HPD: variants seen among roughly 807,000 people sequenced by gnomAD.
HPD encodes the protein 4-hydroxyphenylpyruvate dioxygenase.
HPD carries 35 observed loss-of-function variants against 56.9 expected under a neutral mutation model. The ratio of observed to expected loss-of-function variants is 0.62; its 90% confidence interval spans 0.47 to 0.82. HPD has a LOEUF of 0.82. HPD is among the 40% of genes least tolerant of loss of function. The pLI is 0.00. For missense variants in HPD, 442 were observed against 506.8 expected, an observed-to-expected ratio of 0.87 and a Z score of 1.23; for synonymous variants, 186 against 200.2, an observed-to-expected ratio of 0.93 and a Z score of 0.60.
chr12:121,881,496 T>C, the HPD span, among the ~76,000 whole-genome samples: 1 of 152,164 alleles, frequency 6.6e-6, no homozygotes, highest in East Asian at 1.9e-4. Flanking sequence ...AAGGCCACAC[T>C]CCTGTTGGGT....
chr12:121,857,719 G>C (rs778414732), intron 3 of HPD, 38 bp downstream of exon 3: 41 of 1,572,588 alleles, frequency 2.6e-5, no homozygotes, highest in Non-Finnish European at 3.6e-5. Context: ...CCTCTGCCCT[G>C]CCGTCTGCTC....
the HPD span, chr12:121,874,418 G>A: frequency 0.46 from 69,762 of 151,722 alleles, 16,484 homozygotes; most frequent in African/African-American, 0.55. Context: ...GGAGTTCGAG[G>A]CCAGCCTGGC....
chr12:121,853,445 G>C (rs544631504), intron 7 of HPD, among the ~76,000 whole-genome samples: 2 of 150,148 alleles, frequency 1.3e-5, no homozygotes, highest in Non-Finnish European at 3.0e-5. Flanking sequence ...TGGATAACAC[G>C]GTGAAACCTC....
the HPD span, among the ~76,000 whole-genome samples, chr12:121,885,207 A>AT: frequency 1.8e-3 from 237 of 129,630 alleles, no homozygotes; most frequent in African/African-American, 3.7e-3. Flanking sequence ...ATATATCTGT[A>AT]TTTTTTTTTT....
intron 7 of HPD, among the ~76,000 whole-genome samples, chr12:121,853,102 A>G (rs1877865493): frequency 6.6e-6 from 1 of 152,124 alleles, no homozygotes; most frequent in Admixed American, 6.6e-5. Context: ...GCATGTTCTC[A>G]CTTAGAAGTG....
upstream of HPD, among the ~76,000 whole-genome samples, chr12:121,863,306 T>G (rs921085952): frequency 6.6e-6 from 1 of 152,146 alleles, no homozygotes; most frequent in Non-Finnish European, 1.5e-5. Context: ...CTGGTGCTGA[T>G]TCCTTCCTAA....
chr12:121,883,962 T>C, the HPD span, among the ~76,000 whole-genome samples: 1 of 152,096 alleles, frequency 6.6e-6, no homozygotes, highest in Non-Finnish European at 1.5e-5. Flanking sequence ...TGAGCATTTA[T>C]CTCCTTACCA....
chr12:121,857,300 G>A (rs1299905463), intron 4 of HPD, 28 bp downstream of exon 4: 2 of 1,431,552 alleles, frequency 1.4e-6, no homozygotes, highest in South Asian at 2.3e-5. Context: ...GGCAGGGGTT[G>A]GGGGCTGTCC....
chr12:121,869,644 C>A, the HPD span, among the ~76,000 whole-genome samples: 1 of 151,200 alleles, frequency 6.6e-6, no homozygotes, highest in African/African-American at 2.4e-5. Flanking sequence ...CTTGCCTCAG[C>A]CTCCTGAGTA....
chr12:121,873,179 ACT>A, the HPD span, among the ~76,000 whole-genome samples: 6 of 152,052 alleles, frequency 3.9e-5, no homozygotes. Flanking sequence ...TTATTTTAAA[ACT>A]CTCTGCAGAC....
At chr12:121,856,716 C>G in intron 4 of HPD, 91 bp from the exon 5 acceptor site, 3 of 1,194,210 alleles carry the variant, frequency 2.5e-6, no homozygotes, top group Non-Finnish European at 1.2e-6. Context: ...CCCGAAACAC[C>G]CCTGATGGAG....
At chr12:121,846,742 G>T in intron 11 of HPD, 120 bp downstream of exon 11, 1 of 895,826 alleles carries the variant, frequency 1.1e-6, no homozygotes, top group Non-Finnish European at 1.8e-6. Flanking sequence ...AGGGAGTCCT[G>T]TCAGTCTCCC....
the HPD span, among the ~76,000 whole-genome samples, chr12:121,874,521 G>A: frequency 6.6e-6 from 1 of 151,856 alleles, no homozygotes; most frequent in Admixed American, 6.6e-5. Context: ...GGGAGGCTGA[G>A]GCAGGAGAAT....
upstream of HPD, chr12:121,863,516 GT>G (rs1878240432): frequency 6.6e-6 from 1 of 152,172 alleles, no homozygotes; most frequent in South Asian, 2.1e-4. Flanking sequence ...CCGCATCTTT[GT>G]CCTGACGTAC....
Position 121,849,778 on chromosome 12 carries a change from T to G in HPD, c.427A>C (p.Thr143Pro). 1 of 1,613,078 alleles carries G rather than the reference T, an allele frequency of 6.2e-7. No individual in the cohort carries two copies. The highest frequency in any genetic ancestry group is 8.5e-7 in the Non-Finnish European group (1 of 1,179,280). ...TTCATCTTCTCCACCAGGGTGTGTG[T>G]GGTGTCCCCATACTACGGGTGGAAA... ...FAVLQTYGDT[T>P]HTLVEKMNYI... is the part of the protein sequence containing the mutation. The change falls in exon 8 of 14, where the codon ACA becomes CCA. Residue 143 changes from threonine to proline, a missense_variant. Physicochemically the swap from Thr to Pro is conservative, Grantham distance 38. Transcript: ENST00000289004.
intron 11 of HPD, among the ~76,000 whole-genome samples, chr12:121,846,224 AT>A (rs1877577966): frequency 6.6e-6 from 1 of 151,784 alleles, no homozygotes. Context: ...AATTACTATT[AT>A]TTTTTTCTAA....
At chr12:121,875,217 G>A in the HPD span, among the ~76,000 whole-genome samples, 1 of 152,172 alleles carries the variant, frequency 6.6e-6, no homozygotes, top group Admixed American at 6.6e-5. Flanking sequence ...GTGTGGCTAT[G>A]TGCCAATAAA....
chr12:121,851,712 T>A (rs1299816393), intron 7 of HPD, among the ~76,000 whole-genome samples: 1,085 of 11,938 alleles, frequency 0.091, 123 homozygotes, highest in Non-Finnish European at 0.13. Context: ...TTTTTTTTTT[T>A]TTTTTTTTTT....
upstream of HPD, among the ~76,000 whole-genome samples, chr12:121,864,575 C>T (rs1245403033): frequency 1.1e-4 from 16 of 145,512 alleles, no homozygotes; most frequent in Admixed American, 8.4e-4. Context: ...AAAAAATGGC[C>T]GGGCGCAGTG....
Sources: gnomAD v4.1 joint callset for allele counts (sites outside exome capture counted in the v4.1 genomes callset) on GRCh38, gnomAD v4.1.1 for gene constraint, MANE v1.5 for transcripts, NCBI Gene and HGNC (gene_info 2026-07-23, HGNC 2026-07-21) for gene names.